The following LOX variants were observed in gnomAD, a reference collection of about 807,000 sequenced individuals.
LOX encodes protein-lysine 6-oxidase.
A neutral mutation model predicts 50.5 loss-of-function variants in LOX; 12 were observed. That is an observed-to-expected ratio of 0.24 (90% CI 0.15 to 0.38). LOX has a LOEUF of 0.38. Ranked by LOEUF, LOX falls within the 10% of genes least tolerant of loss-of-function variation. The pLI is 1.00. For synonymous variants in LOX, 254 were observed against 230.6 expected (o/e 1.10, Z -0.92); for missense variants, 504 against 563.8 (o/e 0.89, Z 1.07).
In LOX at chr5:122,078,155, C is replaced by A; in HGVS notation, c.-170G>T. ...CCAAGGGTGGGATTCAGACCCTTCC[C>A]CAGTCAAGGCGGCTGCTCGGACGTG... On this transcript the variant is annotated 5_prime_UTR_variant, in exon 1 of 7. Transcript: ENST00000231004. The A allele has an allele frequency of 1.8e-6, 1 of 545,180 alleles. No individual in the cohort carries two copies. The highest frequency in any genetic ancestry group is 2.9e-6 in the Non-Finnish European group (1 of 345,010). The allele number at this position is 545,180 out of a possible 1,614,324, so 33.8% of individuals were successfully genotyped here.
chr5:122,073,202 A>T (rs756369206), intron 4 of LOX, among the ~76,000 whole-genome samples: 13 of 152,174 alleles, frequency 8.5e-5, no homozygotes, highest in Non-Finnish European at 1.9e-4. Context: ...TCTGGGCGGG[A>T]GTCAAATTAT....
At chr5:122,073,916 G>A in intron 4 of LOX, 97 bp downstream of exon 4, 1 of 1,109,208 alleles carries the variant, frequency 9.0e-7, no homozygotes, top group South Asian at 1.4e-5. Context: ...ATAAAAATGT[G>A]TGTGCTCTTC....
intron 6 of LOX, among the ~76,000 whole-genome samples, chr5:122,067,848 T>C (rs77408621): frequency 0.044 from 6,762 of 152,068 alleles, 181 homozygotes; most frequent in African/African-American, 0.061. Context: ...TTCCCCAGAC[T>C]TCAAGGCTCA....
intron 3 of LOX, among the ~76,000 whole-genome samples, chr5:122,074,811 G>A (rs1754568826): frequency 6.6e-6 from 1 of 152,170 alleles, no homozygotes; most frequent in South Asian, 2.1e-4. Context: ...GACTGGCTTG[G>A]ATTTCAGGAA....
intron 6 of LOX, among the ~76,000 whole-genome samples, chr5:122,067,474 T>A (rs1454988018): frequency 1.3e-5 from 2 of 152,090 alleles, no homozygotes; most frequent in Admixed American, 6.6e-5. Flanking sequence ...TGCTCTTAAA[T>A]ATCTGGCAGG....
chr5:122,068,186 A>AG (rs1561416174), intron 6 of LOX, among the ~76,000 whole-genome samples: 1 of 151,302 alleles, frequency 6.6e-6, no homozygotes, highest in Non-Finnish European at 1.5e-5. Context: ...AAAAAAAAAA[A>AG]AAAAAAAAAA....
rs760552928 is a variant in LOX, at chr5:122,077,438, T to A, written c.548A>T (p.Tyr183Phe). 1.2e-6 allele frequency: 2 copies of A among 1,614,078 alleles called. No individual in the cohort carries two copies. Among genetic ancestry groups the A allele is most frequent in the Admixed American group, 3.3e-5 (2 of 60,028 alleles). The change falls in exon 1 of 7, where the codon TAT becomes TTT. Residue 183 changes from tyrosine (Y) to phenylalanine (F), a missense_variant. Transcript: ENST00000231004. The surrounding 1 kb of genome is among the most constrained non-coding windows in gnomAD (Gnocchi z 4.9). ...TTCATAAGTATCGTAGTAGTTGTAA[T>A]AAGGGTTGTCGTCAGAGTACTTGTA... is the stretch of plus-strand genomic sequence containing the variant. ...NPYKYSDDNP[Y>F]YNYYDTYERP... is the part of the protein sequence containing the mutation.
rs1386962393 is a variant in LOX at position 122,065,911 on chromosome 5, C to G, written c.*832G>C. The G allele has an allele frequency of 6.6e-6, 1 of 151,960 alleles. No homozygotes were observed. The highest frequency in any genetic ancestry group is 1.5e-5 in the Non-Finnish European group (1 of 67,954). The allele number at this position is 151,960 out of a possible 1,614,324, so 9.4% of individuals were successfully genotyped here. The stretch of plus-strand genomic sequence containing the variant: ...TCACATCAGTCATCAAAATGACTTT[C>G]CAGTTTCACGGCTGCCTTATGTATA... On this transcript the variant is annotated 3_prime_UTR_variant, in exon 7 of 7. Coordinates refer to ENST00000231004, the MANE Select transcript of LOX (RefSeq NM_002317.7).
rs114214696 is a variant in LOX at position 122,067,809 on chromosome 5, G to T, written c.1248-1060C>A. ...TGCCTGTGACGTTGACTTGCCCTGG[G>T]CTTCCTTTCCTTAATGCTCCCCGGT... is the stretch of plus-strand genomic sequence containing the variant. On this transcript the variant is annotated intron_variant, in intron 6 of 6. Coordinates refer to ENST00000231004, the MANE Select transcript of LOX (RefSeq NM_002317.7). Among the ~76,000 whole-genome samples the T allele has an allele frequency of 1.7e-3, 261 of 152,114 alleles. 1 individual carries two copies. Among genetic ancestry groups the T allele is most frequent in the African/African-American group, 6.1e-3 (253 of 41,496 alleles).
chr5:122,066,788 GATAAT>G (rs768698113), intron 6 of LOX, 39 bp from the exon 7 acceptor site: 1 of 1,347,212 alleles, frequency 7.4e-7, no homozygotes, highest in South Asian at 1.2e-5. Context: ...TTATTAACCT[GATAAT>G]ATAATGAATG....
Position 122,070,922 on chromosome 5 carries a change from A to AT in LOX, c.1036-334dup, listed in dbSNP as rs551147396. Among the ~76,000 whole-genome samples, 649 of 152,236 alleles carry AT rather than the reference A, an allele frequency of 4.3e-3. 4 individuals are homozygous for AT. The highest frequency in any genetic ancestry group is 6.4e-3 in the Non-Finnish European group (437 of 67,990). On this transcript the variant is annotated intron_variant, in intron 4 of 6. Transcript: ENST00000231004. ...GTTCAGGAATAAAGGCCACATAATAATTATCTTAGCTCAAATGTCCTCTTC... is the reference window on the plus strand; with the variant it reads ...GTTCAGGAATAAAGGCCACATAATAATTTATCTTAGCTCAAATGTCCTCTTC...
chr5:122,077,694 G>C lies in LOX; in HGVS notation c.292C>G (p.Arg98Gly). The change falls in exon 1 of 7, where the codon CGC (arginine) becomes GGC (glycine). Residue 98 changes from arginine to glycine, a missense_variant. Around this residue, in one of 2 missense-constraint regions of LOX, gnomAD observed 398 missense variants for 365.8 expected, o/e 1.09. Coordinates refer to ENST00000231004, the MANE Select transcript of LOX (RefSeq NM_002317.7). This position sits in a 1 kb window ranked among gnomAD's most constrained non-coding sequence, Gnocchi z 4.9. Reference protein sequence around the residue: ...RTPILLIRDNRTAAARTRTAG... With the variant: ...RTPILLIRDNGTAAARTRTAG... ...GTCCGCGTTCGCGCCGCGGCGGTGCGGTTGTCGCGGATCAGCAGGATCGGA... is the reference window on the plus strand; with the variant it reads ...GTCCGCGTTCGCGCCGCGGCGGTGCCGTTGTCGCGGATCAGCAGGATCGGA... 1 of 1,597,140 alleles carries C rather than the reference G, an allele frequency of 6.3e-7. No individual in the cohort carries two copies. Among genetic ancestry groups the C allele is most frequent in the Non-Finnish European group, 8.5e-7 (1 of 1,174,496 alleles).
intron 2 of LOX, among the ~76,000 whole-genome samples, chr5:122,075,852 T>C (rs1490211383): frequency 6.6e-6 from 1 of 152,158 alleles, no homozygotes; most frequent in Admixed American, 6.5e-5. Flanking sequence ...AAGTAAACTT[T>C]AGAATCAATT....
intron 5 of LOX, 70 bp from the exon 6 acceptor site, chr5:122,070,238 G>T (rs1754411183): frequency 2.2e-6 from 2 of 892,704 alleles, no homozygotes; most frequent in East Asian, 4.8e-5. Context: ...TGTTAATGAG[G>T]ACTTAGCTAA....
Position 122,077,700 on chromosome 5 carries a change from C to G in LOX, c.286G>C (p.Asp96His). Reference sequence around the variant, plus strand: ...GTTCGCGCCGCGGCGGTGCGGTTGTCGCGGATCAGCAGGATCGGAGTGCGG... The same window carrying G: ...GTTCGCGCCGCGGCGGTGCGGTTGTGGCGGATCAGCAGGATCGGAGTGCGG... ...QPRTPILLIR[D>H]NRTAAARTRT... is the part of the protein sequence containing the mutation. The change falls in exon 1 of 7, where the codon GAC becomes CAC. Residue 96 changes from aspartate to histidine, a missense_variant. By Grantham distance (81) the Asp-to-His change is moderately conservative (BLOSUM62 -1). Transcript: ENST00000231004. The surrounding 1 kb of genome is among the most constrained non-coding windows in gnomAD (Gnocchi z 4.9). 1.3e-6 allele frequency: 2 copies of G among 1,594,808 alleles called. No individual in the cohort carries two copies. The highest frequency in any genetic ancestry group is 1.7e-6 in the Non-Finnish European group (2 of 1,173,540).
chr5:122,067,194 A>T (rs906162712), intron 6 of LOX, among the ~76,000 whole-genome samples: 9 of 152,178 alleles, frequency 5.9e-5, no homozygotes, highest in African/African-American at 2.2e-4. Context: ...AAAGCTAATC[A>T]ATCAAATATT....
In LOX at chr5:122,071,303, A is replaced by G. The variant is rs527438907; in HGVS notation, c.1036-714T>C. Among the ~76,000 whole-genome samples, 4 of 152,226 alleles carry G rather than the reference A, an allele frequency of 2.6e-5. No homozygotes were observed. The East Asian group carries it at 7.7e-4, about 29-fold the overall frequency. On this transcript the variant is annotated intron_variant, in intron 4 of 6. Coordinates refer to ENST00000231004, the MANE Select transcript of LOX (RefSeq NM_002317.7). Reference sequence around the variant, plus strand: ...GAAAACTAAGGCACACTAAGATCAAATAACTTACCCAAGGGTATCCAGCCT... The same window carrying G: ...GAAAACTAAGGCACACTAAGATCAAGTAACTTACCCAAGGGTATCCAGCCT...
chr5:122,064,984 T>A lies in LOX; in HGVS notation c.*1759A>T, dbSNP rs1457894042. 1 of 152,074 alleles carries A rather than the reference T, an allele frequency of 6.6e-6. No homozygotes were observed. Among genetic ancestry groups the A allele is most frequent in the African/African-American group, 2.4e-5 (1 of 41,432 alleles). 9.4% of individuals were successfully genotyped at this position (152,074 alleles called of 1,614,324 possible). On this transcript the variant is annotated 3_prime_UTR_variant, in exon 7 of 7. Coordinates refer to ENST00000231004, the MANE Select transcript of LOX (RefSeq NM_002317.7). ...TTAAGAAAGCAAGTATATTAAAATA[T>A]CTCTGTTAGAAAAGATTACAATTTG...
Position 122,066,739 on chromosome 5 carries a change from C to T in LOX, c.*4G>A. 6.3e-7 allele frequency: 1 copy of T among 1,598,854 alleles called. No homozygotes were observed. Among genetic ancestry groups the T allele is most frequent in the Admixed American group, 1.7e-5 (1 of 59,810 alleles). ...TTTATCCATTGGGAGTTTTGCTTTG[C>T]CTTCTAATACCTAGATTAAGAAGAC... On this transcript the variant is annotated 3_prime_UTR_variant, in exon 7 of 7. Transcript: ENST00000231004.
Sources: gnomAD v4.1 joint callset for allele counts (sites outside exome capture counted in the v4.1 genomes callset) on GRCh38, gnomAD v4.1.1 for gene constraint, gnomAD v4.1.1 regional missense constraint, Gnocchi (gnomAD v3.1) non-coding constraint, MANE v1.5 for transcripts, NCBI Gene and HGNC (gene_info 2026-07-23, HGNC 2026-07-21) for gene names.